ECRG4: variants seen among roughly 807,000 people sequenced by gnomAD.
The protein encoded by ECRG4 is ECRG4 augurin precursor.
In ECRG4, 18 loss-of-function variants were observed where a neutral mutation model predicts 15.8. The observed-to-expected ratio is 1.14, with a 90% CI of 0.79 to 1.69. ECRG4 has a LOEUF of 1.69. ECRG4 is among the 40% of genes most tolerant of loss of function. The pLI is 0.00. For synonymous variants in ECRG4, 82 were observed against 73.9 expected (o/e 1.11, Z -0.56); for missense variants, 200 against 190.9 (o/e 1.05, Z -0.28).
chr2:106,078,029 ATCT>A lies in ECRG4; in HGVS notation c.*105_*107del, dbSNP rs1676523380. 1 of 1,112,688 alleles carries A rather than the reference ATCT, an allele frequency of 9.0e-7. No homozygotes were observed. The highest frequency in any genetic ancestry group is 1.6e-5 in the African/African-American group (1 of 63,378). The allele number at this position is 1,112,688 out of a possible 1,614,324, so 68.9% of individuals were successfully genotyped here. A position where few individuals can be genotyped will look rare whatever the true frequency, so the allele number is the denominator to read the frequency against. ...TTTCTGATTTGCTCTATTTCAGCAG[ATCT>A]TTTCTACCTACTTTGTGTGATCAAA... On this transcript the variant is annotated 3_prime_UTR_variant, in exon 4 of 4. Coordinates refer to ENST00000238044, the MANE Select transcript of ECRG4 (RefSeq NM_032411.3).
At chr2:106,066,098 T>C (rs894823645) in intron 1 of ECRG4, among the ~76,000 whole-genome samples, 2 of 152,180 alleles carry the variant, frequency 1.3e-5, no homozygotes, top group Non-Finnish European at 2.9e-5. Flanking sequence ...CGGGCAACCT[T>C]GGGCAAGGAG....
Position 106,071,099 on chromosome 2 carries a change from G to T in ECRG4, c.80-745G>T, listed in dbSNP as rs899510168. 315 of 455,764 alleles carry T rather than the reference G, an allele frequency of 6.9e-4. 2 individuals carry two copies. In the Admixed American group the frequency reaches 7.5e-3, roughly 11 times the overall value. 28.2% of individuals were successfully genotyped at this position (455,764 alleles called of 1,614,324 possible). Reference sequence around the variant, plus strand: ...TGGTACAAATCATACTTGATTTTAGGGTGATCTGGGCAAGCTACAAAACTG... The same window carrying T: ...TGGTACAAATCATACTTGATTTTAGTGTGATCTGGGCAAGCTACAAAACTG... On this transcript the variant is annotated intron_variant, in intron 1 of 3. Transcript: ENST00000238044.
At chr2:106,065,387 C>T (rs1676186085), upstream of ECRG4, among the ~76,000 whole-genome samples, 1 of 152,168 alleles carries the variant, frequency 6.6e-6, no homozygotes, top group Non-Finnish European at 1.5e-5. Context: ...TCCCTTCTCC[C>T]GATGCCTTCT....
At position 106,071,853 on chromosome 2, in the gene ECRG4, G is replaced by A; in HGVS notation, c.89G>A (p.Ser30Asn). Reference sequence around the variant, plus strand: ...ATTTTCATTCCTTTAGGTGGCATAAGTGGAAATAAACTCAAGCTGATGCTT... The same window carrying A: ...ATTTTCATTCCTTTAGGTGGCATAAATGGAAATAAACTCAAGCTGATGCTT... ...LLLCWGPGGI[S>N]GNKLKLMLQK... is the part of the protein sequence containing the mutation. Residue 30 changes from serine to asparagine, a missense_variant, in exon 2 of 4, where the codon AGT (serine) becomes AAT (asparagine). By Grantham distance (46) the Ser-to-Asn change is conservative. Transcript: ENST00000238044. The A allele has an allele frequency of 6.2e-7, 1 of 1,613,632 alleles. No homozygotes were observed. Among genetic ancestry groups the A allele is most frequent in the East Asian group, 2.2e-5 (1 of 44,876 alleles).
chr2:106,066,003 G>T (rs1424071392), intron 1 of ECRG4, among the ~76,000 whole-genome samples, 160 bp downstream of exon 1: 1 of 152,234 alleles, frequency 6.6e-6, no homozygotes. Flanking sequence ...ACCGGGTCTG[G>T]GGTTTTGCAC....
At chr2:106,063,241 A>T (rs1196857113), upstream of ECRG4, 1 of 152,268 alleles carries the variant, frequency 6.6e-6, no homozygotes, top group Non-Finnish European at 1.5e-5. Context: ...GTATGAGGAC[A>T]CAGCAAGAAG....
intron 1 of ECRG4, among the ~76,000 whole-genome samples, chr2:106,067,405 T>A (rs1232577429): frequency 6.6e-6 from 1 of 152,224 alleles, no homozygotes; most frequent in East Asian, 1.9e-4. Flanking sequence ...TTATTTAGTT[T>A]ATACCAATAA....
intron 3 of ECRG4, among the ~76,000 whole-genome samples, chr2:106,076,219 G>A (rs1478498408): frequency 4.6e-5 from 7 of 152,166 alleles, no homozygotes; most frequent in Non-Finnish European, 4.4e-5. Flanking sequence ...TCGGGAGGCT[G>A]AGGCAGGAGA....
At chr2:106,065,284 C>A (rs868424189), upstream of ECRG4, among the ~76,000 whole-genome samples, 3 of 152,030 alleles carry the variant, frequency 2.0e-5, no homozygotes, top group East Asian at 2.0e-4. Context: ...AACAGTGGCG[C>A]GGCTGGGGCG....
At chr2:106,073,200 A>G (rs1573362627) in intron 2 of ECRG4, among the ~76,000 whole-genome samples, 1 of 152,206 alleles carries the variant, frequency 6.6e-6, no homozygotes, top group East Asian at 1.9e-4. Flanking sequence ...GGCTTCCTCG[A>G]GCACATCCTG....
Position 106,078,061 on chromosome 2 carries a change from GAA to G in ECRG4, c.*136_*137del. 6.3e-6 allele frequency: 5 copies of G among 789,884 alleles called. No individual in the cohort carries two copies. Among genetic ancestry groups the G allele is most frequent in the Non-Finnish European group, 9.2e-6 (5 of 545,840 alleles). The allele number at this position is 789,884 out of a possible 1,614,324, so 48.9% of individuals were successfully genotyped here. ...CTACCTACTTTGTGTGATCAAAAAAGAAGAGTTAAAACAACACATGTAAATGC... is the reference window on the plus strand; with the variant it reads ...CTACCTACTTTGTGTGATCAAAAAAGGAGTTAAAACAACACATGTAAATGC... On this transcript the variant is annotated 3_prime_UTR_variant, in exon 4 of 4. Coordinates refer to ENST00000238044, the MANE Select transcript of ECRG4 (RefSeq NM_032411.3).
chr2:106,074,583 C>T (rs12993277), intron 3 of ECRG4, among the ~76,000 whole-genome samples: 15,180 of 152,164 alleles, frequency 0.1, 1,023 homozygotes, highest in East Asian at 0.24. Flanking sequence ...CATTGGTGGA[C>T]GTATTCATTG....
At chr2:106,067,259 T>A (rs1676246968) in intron 1 of ECRG4, among the ~76,000 whole-genome samples, 1 of 151,614 alleles carries the variant, frequency 6.6e-6, no homozygotes, top group Non-Finnish European at 1.5e-5. Flanking sequence ...GCCATTGCAC[T>A]CCAGCCTGGG....
Position 106,073,949 on chromosome 2 carries a change from G to T in ECRG4, c.191G>T (p.Ser64Ile), listed in dbSNP as rs747818330. ...DENKAKEFLGSLKRQKRQLWD... is the reference protein window; with the variant it reads ...DENKAKEFLGILKRQKRQLWD... ...AATAAAGCCAAAGAATTCCTTGGCA[G>T]CCTGAAGCGCCAGAAGCGGCAGCTG... Residue 64 changes from serine to isoleucine, a missense_variant, in exon 3 of 4, where the codon AGC becomes ATC. By Grantham distance (142) the Ser-to-Ile change is moderately radical. Transcript: ENST00000238044. The T allele has an allele frequency of 6.2e-7, 1 of 1,614,228 alleles. No individual in the cohort carries two copies. The highest frequency in any genetic ancestry group is 8.5e-7 in the Non-Finnish European group (1 of 1,180,038).
At chr2:106,073,245 A>G (rs889668171) in intron 2 of ECRG4, among the ~76,000 whole-genome samples, 1 of 152,194 alleles carries the variant, frequency 6.6e-6, no homozygotes, top group African/African-American at 2.4e-5. Context: ...TGAGACTGTG[A>G]TGGAAAGACG....
Position 106,078,154 on chromosome 2 carries a change from A to C in ECRG4, c.*228A>C. 1 of 437,796 alleles carries C rather than the reference A, an allele frequency of 2.3e-6. No individual in the cohort carries two copies. Among genetic ancestry groups the C allele is most frequent in the Non-Finnish European group, 4.0e-6 (1 of 249,894 alleles). The allele number at this position is 437,796 out of a possible 1,614,324, so 27.1% of individuals were successfully genotyped here. On this transcript the variant is annotated 3_prime_UTR_variant, in exon 4 of 4. Coordinates refer to ENST00000238044, the MANE Select transcript of ECRG4 (RefSeq NM_032411.3). ...AAATAAAGCATTTTGTTAAAAAGAAAAGTCTTAGAATTCATTTGGGTGCAA... is the reference window on the plus strand; with the variant it reads ...AAATAAAGCATTTTGTTAAAAAGAACAGTCTTAGAATTCATTTGGGTGCAA...
intron 3 of ECRG4, among the ~76,000 whole-genome samples, chr2:106,074,832 A>G (rs540410393): frequency 2.6e-5 from 4 of 152,220 alleles, no homozygotes; most frequent in Non-Finnish European, 5.9e-5. Context: ...GTGTTTTTCA[A>G]AATGGGCACA....
chr2:106,074,515 G>T (rs1676443372), intron 3 of ECRG4, among the ~76,000 whole-genome samples: 2 of 152,194 alleles, frequency 1.3e-5, no homozygotes. Context: ...AGGTTTTGGG[G>T]AAAATTTGTC....
intron 1 of ECRG4, among the ~76,000 whole-genome samples, chr2:106,066,403 C>A (rs1388309015): frequency 6.6e-6 from 1 of 152,222 alleles, no homozygotes; most frequent in East Asian, 1.9e-4. Context: ...GTTGAAAACT[C>A]TGAAATTCTC....
Sources: gnomAD v4.1 joint callset for allele counts (sites outside exome capture counted in the v4.1 genomes callset) on GRCh38, gnomAD v4.1.1 for gene constraint, MANE v1.5 for transcripts, NCBI Gene and HGNC (gene_info 2026-07-23, HGNC 2026-07-21) for gene names.